PAM: variants seen among roughly 807,000 people sequenced by gnomAD.
PAM encodes the protein peptidylglycine alpha-amidating monooxygenase.
PAM carries 72 observed loss-of-function variants against 122.1 expected under a neutral mutation model. The observed-to-expected ratio is 0.59, with a 90% CI of 0.49 to 0.72. The LOEUF is 0.72. Ranked by LOEUF, PAM falls within the 30% of genes least tolerant of loss-of-function variation. The pLI, the probability that PAM is intolerant of heterozygous loss-of-function variation, is 0.00. For synonymous variants in PAM, 389 were observed against 404.4 expected (o/e 0.96, Z 0.46); for missense variants, 1,106 against 1,183.7 (o/e 0.93, Z 0.96).
intron 19 of PAM, among the ~76,000 whole-genome samples, 165 bp downstream of exon 19, chr5:103,007,176 C>T (rs75082956): frequency 0.031 from 4,430 of 142,104 alleles, 197 homozygotes; most frequent in African/African-American, 0.11. Context: ...CACACACACA[C>T]ACACACACAT....
At chr5:103,004,571 A>G (rs985039843) in intron 17 of PAM, among the ~76,000 whole-genome samples, 1 of 152,180 alleles carries the variant, frequency 6.6e-6, no homozygotes, top group African/African-American at 2.4e-5. Flanking sequence ...CTAGATCATT[A>G]AGATTGATTT....
rs542930349 is a variant in PAM at position 102,809,250 on chromosome 5, G to A, written c.-374+53902G>A. The stretch of plus-strand genomic sequence containing the variant: ...ATGTAATACTTGGCCAGGCACAGTG[G>A]CTCACGCCTCTAATCCCAGCACTTC... On this transcript the variant is annotated intron_variant, in intron 1 of 25. Transcript: ENST00000438793. 1.3e-4 allele frequency among the ~76,000 whole-genome samples: 20 copies of A among 151,590 alleles called. No homozygotes were observed. The East Asian group carries it at 3.9e-3, about 30-fold the overall frequency.
chr5:102,879,090 A>G (rs1790149344), intron 3 of PAM, among the ~76,000 whole-genome samples: 3 of 151,716 alleles, frequency 2.0e-5, no homozygotes, highest in South Asian at 2.1e-4. Context: ...CACCACACCC[A>G]GCTAATTTTT....
At chr5:102,821,855 A>G (rs1168535717) in intron 1 of PAM, among the ~76,000 whole-genome samples, 1 of 152,226 alleles carries the variant, frequency 6.6e-6, no homozygotes, top group Non-Finnish European at 1.5e-5. Context: ...AAGCAATTTT[A>G]CCATAAGCAA....
At chr5:102,802,144 G>C (rs1036122725) in intron 1 of PAM, among the ~76,000 whole-genome samples, 4 of 152,076 alleles carry the variant, frequency 2.6e-5, no homozygotes, top group Non-Finnish European at 2.9e-5. Flanking sequence ...TCTTAAACTA[G>C]CTTCTTTAGA....
intron 1 of PAM, among the ~76,000 whole-genome samples, chr5:102,799,009 T>G (rs780476702): frequency 6.6e-6 from 1 of 152,192 alleles, no homozygotes; most frequent in African/African-American, 2.4e-5. Context: ...TGAAGTAGCA[T>G]AGCAACGTCA....
chr5:102,884,874 A>G (rs534780237), intron 3 of PAM, among the ~76,000 whole-genome samples: 2 of 152,014 alleles, frequency 1.3e-5, no homozygotes, highest in Non-Finnish European at 2.9e-5. Context: ...GCACTTTTAA[A>G]GAGGAGGGTA....
intron 1 of PAM, among the ~76,000 whole-genome samples, chr5:102,774,538 A>G (rs970885707): frequency 1.3e-5 from 2 of 152,136 alleles, no homozygotes; most frequent in Non-Finnish European, 2.9e-5. Flanking sequence ...GAAAGCAGAC[A>G]TACAACAGTA....
Position 102,796,264 on chromosome 5 carries a change from G to A in PAM, c.-374+40916G>A, listed in dbSNP as rs188813137. On this transcript the variant is annotated intron_variant, in intron 1 of 25. Coordinates refer to ENST00000438793, the MANE Select transcript of PAM (RefSeq NM_001177306.2). ...TGAAGTCAGTCTCCAAAGGTCACCT[G>A]CAATCCATGTTAGGAACCAGGTTTG... Among the ~76,000 whole-genome samples, 3 of 152,292 alleles carry A rather than the reference G, an allele frequency of 2.0e-5. No homozygotes were observed. The East Asian group carries it at 5.8e-4, about 29-fold the overall frequency.
At chr5:103,027,347 C>T (rs1297362622) in intron 24 of PAM, among the ~76,000 whole-genome samples, 2 of 152,110 alleles carry the variant, frequency 1.3e-5, no homozygotes, top group East Asian at 3.9e-4. Context: ...TCTCCCTTTC[C>T]TCTCATCTGC....
chr5:102,824,508 A>G (rs1580593119), intron 1 of PAM, among the ~76,000 whole-genome samples: 1 of 152,106 alleles, frequency 6.6e-6, no homozygotes, highest in African/African-American at 2.4e-5. Flanking sequence ...GTCTTTAAAT[A>G]TTTTCCCAAC....
At chr5:102,754,933 C>T (rs936387657), upstream of PAM, 1 of 152,306 alleles carries the variant, frequency 6.6e-6, no homozygotes, top group Non-Finnish European at 1.5e-5. Context: ...TCTTGGCTAC[C>T]TCTGGCCCGC....
intron 15 of PAM, among the ~76,000 whole-genome samples, chr5:102,981,004 C>T (rs533092117): frequency 6.6e-6 from 1 of 152,172 alleles, no homozygotes; most frequent in South Asian, 2.1e-4. Context: ...TAAATATGTT[C>T]TAGATATTTA....
chr5:102,880,096 C>T (rs933654279), intron 3 of PAM, among the ~76,000 whole-genome samples: 9 of 152,062 alleles, frequency 5.9e-5, no homozygotes, highest in South Asian at 2.1e-4. Flanking sequence ...GCCTGGGCAA[C>T]GTAACGAAAT....
At chr5:102,987,249 A>G (rs1772169673) in intron 15 of PAM, among the ~76,000 whole-genome samples, 2 of 152,192 alleles carry the variant, frequency 1.3e-5, no homozygotes, top group Admixed American at 6.5e-5. Context: ...TTGCAGCAAC[A>G]TGTGTGAAAC....
At chr5:102,811,589 A>G (rs1490345707) in intron 1 of PAM, among the ~76,000 whole-genome samples, 2 of 152,180 alleles carry the variant, frequency 1.3e-5, no homozygotes, top group Admixed American at 1.3e-4. Context: ...GTAAGTTAAC[A>G]TATTCACAGG....
chr5:102,926,687 G>T lies in PAM; in HGVS notation c.526+19G>T. On this transcript the variant is annotated intron_variant, in intron 7 of 25. Coordinates refer to ENST00000438793, the MANE Select transcript of PAM (RefSeq NM_001177306.2). ...TTTAGAGGTAAGTTTTGAAGTGTTG[G>T]AACTAAGCAAAACTTCTAGTACTAT... 1 of 1,265,210 alleles carries T rather than the reference G, an allele frequency of 7.9e-7. No homozygotes were observed. The highest frequency in any genetic ancestry group is 1.2e-6 in the Non-Finnish European group (1 of 864,838). The allele number at this position is 1,265,210 out of a possible 1,614,324, so 78.4% of individuals were successfully genotyped here. A position where few individuals can be genotyped will look rare whatever the true frequency, so the allele number is the denominator to read the frequency against.
chr5:102,890,042 C>G (rs906652492), intron 3 of PAM, among the ~76,000 whole-genome samples: 1 of 151,866 alleles, frequency 6.6e-6, no homozygotes, highest in African/African-American at 2.4e-5. Flanking sequence ...CTTTCCTTTT[C>G]CTTGTAATGT....
chr5:102,757,097 G>A (rs372841796), intron 1 of PAM, among the ~76,000 whole-genome samples: 4 of 152,196 alleles, frequency 2.6e-5, no homozygotes, highest in African/African-American at 9.7e-5. Flanking sequence ...GGAGGCCGAG[G>A]CGGGCAAATC....
Sources: gnomAD v4.1 joint callset for allele counts (sites outside exome capture counted in the v4.1 genomes callset) on GRCh38, gnomAD v4.1.1 for gene constraint, MANE v1.5 for transcripts, NCBI Gene and HGNC (gene_info 2026-07-23, HGNC 2026-07-21) for gene names.